The following TRAM2 variants were observed in gnomAD, a reference collection of about 807,000 sequenced individuals.
TRAM2 encodes translocation associated membrane protein 2.
Under a neutral mutation model 51.0 loss-of-function variants are expected in TRAM2, and 12 were observed. The ratio of observed to expected loss-of-function variants is 0.24; its 90% CI spans 0.15 to 0.38. The LOEUF is 0.38. TRAM2 is among the 10% of genes least tolerant of loss of function. The pLI, the probability that TRAM2 is intolerant of heterozygous loss-of-function variation, is 1.00. For synonymous variants in TRAM2, 175 were observed against 179.4 expected (o/e 0.98, Z 0.20); for missense variants, 361 against 462.0 (o/e 0.78, Z 2.00).
chr6:52,558,142 C>T (rs555566202), intron 1 of TRAM2, among the ~76,000 whole-genome samples: 96 of 152,276 alleles, frequency 6.3e-4, no homozygotes, highest in African/African-American at 2.2e-3. Flanking sequence ...GCACAGCTCT[C>T]GCACAAGCAA....
intron 1 of TRAM2, among the ~76,000 whole-genome samples, chr6:52,570,461 T>C (rs1020822017): frequency 5.3e-5 from 8 of 152,104 alleles, no homozygotes; most frequent in Non-Finnish European, 1.2e-4. Context: ...GTGGAAGCAT[T>C]GGGGCTGAGC....
At chr6:52,516,221 G>C (rs954701331) in intron 3 of TRAM2, 99 bp from the exon 4 acceptor site, 12 of 1,132,124 alleles carry the variant, frequency 1.1e-5, no homozygotes, top group African/African-American at 3.1e-5. Flanking sequence ...GTTGAACATC[G>C]TTAGAAGTTT....
chr6:52,564,868 G>T (rs1344057437), intron 1 of TRAM2, among the ~76,000 whole-genome samples: 1 of 152,212 alleles, frequency 6.6e-6, no homozygotes, highest in Non-Finnish European at 1.5e-5. Flanking sequence ...GTTCTGAGCA[G>T]GTGGTGCTTT....
At chr6:52,506,209 T>A in intron 7 of TRAM2, 73 bp from the exon 8 acceptor site, 1 of 1,387,652 alleles carries the variant, frequency 7.2e-7, no homozygotes, top group Non-Finnish European at 1.0e-6. Context: ...GCATCTTGGC[T>A]CAGGCTGTCC....
In TRAM2 at chr6:52,535,809, T is replaced by C; in HGVS notation, c.158A>G (p.Gln53Arg). The change falls in exon 2 of 11, where the codon CAG becomes CGG. Residue 53 changes from glutamine (Q) to arginine (R), a missense_variant. Transcript: ENST00000182527. ...AKTAFLFILP[Q>R]YNISVPTADS... is the part of the protein sequence containing the mutation. ...TGCTGTAGGCACGCTAATGTTATAC[T>C]GAGGTAAAATAAATAGAAAGGCAGT... The C allele has an allele frequency of 6.2e-7, 1 of 1,614,048 alleles. No individual in the cohort carries two copies. The highest frequency in any genetic ancestry group is 8.5e-7 in the Non-Finnish European group (1 of 1,179,920).
intron 2 of TRAM2, among the ~76,000 whole-genome samples, chr6:52,527,853 T>C (rs1004845265): frequency 6.6e-6 from 1 of 152,184 alleles, no homozygotes; most frequent in African/African-American, 2.4e-5. Flanking sequence ...TTCTGCACAA[T>C]TGTTACACTT....
intron 1 of TRAM2, among the ~76,000 whole-genome samples, chr6:52,571,464 TGAGG>T (rs1767680490): frequency 6.6e-6 from 1 of 152,038 alleles, no homozygotes; most frequent in Non-Finnish European, 1.5e-5. Flanking sequence ...AACGAGTGAC[TGAGG>T]GTTCAGACAA....
chr6:52,537,249 T>G (rs1322476552), intron 1 of TRAM2, among the ~76,000 whole-genome samples: 4 of 152,176 alleles, frequency 2.6e-5, no homozygotes, highest in Non-Finnish European at 5.9e-5. Context: ...AGAGGAGTGA[T>G]AGAAAACACC....
chr6:52,507,987 A>G (rs1209826042), intron 6 of TRAM2, among the ~76,000 whole-genome samples: 1 of 152,238 alleles, frequency 6.6e-6, no homozygotes, highest in Admixed American at 6.5e-5. Flanking sequence ...CATCTATAAG[A>G]TGAGAGTTAG....
At position 52,498,109 on chromosome 6, in the gene TRAM2, A is replaced by G. The variant is rs1220496735; in HGVS notation, c.*5088T>C. 6.6e-6 allele frequency: 1 copy of G among 152,540 alleles called. No homozygotes were observed. The highest frequency in any genetic ancestry group is 2.4e-5 in the African/African-American group (1 of 41,446). The allele number at this position is 152,540 out of a possible 1,614,324, so 9.4% of individuals were successfully genotyped here. A position where few individuals can be genotyped will look rare whatever the true frequency, so the allele number is the denominator to read the frequency against. On this transcript the variant is annotated 3_prime_UTR_variant, in exon 11 of 11. Transcript: ENST00000182527. ...AGAGTGCCACAGAAACCCACCCAGG[A>G]TCACAAGAATGACAACAAAAGGAAA... is the stretch of plus-strand genomic sequence containing the variant.
chr6:52,533,692 C>T lies in TRAM2; in HGVS notation c.184+2091G>A, dbSNP rs566010399. ...GATTCATGGCTATATCCTCCATGAGCCACAGGTTCAGGAATTTGCCCCCAA... is the reference window on the plus strand; with the variant it reads ...GATTCATGGCTATATCCTCCATGAGTCACAGGTTCAGGAATTTGCCCCCAA... On this transcript the variant is annotated intron_variant, in intron 2 of 10. Transcript: ENST00000182527. Among the ~76,000 whole-genome samples the T allele has an allele frequency of 9.8e-5, 15 of 152,292 alleles. No homozygotes were observed. In the South Asian group the frequency reaches 2.9e-3, roughly 29 times the overall value.
Position 52,499,469 on chromosome 6 carries a change from A to G in TRAM2, c.*3728T>C, listed in dbSNP as rs1461592841. On this transcript the variant is annotated 3_prime_UTR_variant, in exon 11 of 11. Coordinates refer to ENST00000182527, the MANE Select transcript of TRAM2 (RefSeq NM_012288.4). ...GGCTGAAGCATACAAAGGAAACCCA[A>G]GCGAAGGCCTTTTCTAGGCACAAGG... The G allele has an allele frequency of 6.6e-6, 1 of 152,214 alleles. No homozygotes were observed. Among genetic ancestry groups the G allele is most frequent in the Admixed American group, 6.5e-5 (1 of 15,284 alleles). The allele number at this position is 152,214 out of a possible 1,614,324, so 9.4% of individuals were successfully genotyped here. A position where few individuals can be genotyped will look rare whatever the true frequency, so the allele number is the denominator to read the frequency against.
intron 2 of TRAM2, among the ~76,000 whole-genome samples, chr6:52,528,703 A>G (rs978748196): frequency 3.3e-5 from 5 of 152,148 alleles, no homozygotes; most frequent in African/African-American, 1.2e-4. Flanking sequence ...AATAAAGCCA[A>G]CTGGGATCCT....
At chr6:52,532,039 C>T (rs1766900930) in intron 2 of TRAM2, among the ~76,000 whole-genome samples, 1 of 152,328 alleles carries the variant, frequency 6.6e-6, no homozygotes, top group East Asian at 1.9e-4. Context: ...CTTACTCAAA[C>T]ATTGTAGGAA....
Position 52,544,136 on chromosome 6 carries a change from G to A in TRAM2, c.121-8290C>T, listed in dbSNP as rs181754537. On this transcript the variant is annotated intron_variant, in intron 1 of 10. Transcript: ENST00000182527. The stretch of plus-strand genomic sequence containing the variant: ...GATGGAGCAGGGTGAAGCCATCTCC[G>A]GGGGCCATAAACCAGGCCCGTCAGC... Among the ~76,000 whole-genome samples the A allele has an allele frequency of 3.6e-3, 544 of 152,246 alleles. 3 individuals are homozygous for A. The highest frequency in any genetic ancestry group is 0.014 in the Middle Eastern group (4 of 292).
chr6:52,509,402 T>C, intron 5 of TRAM2, 126 bp downstream of exon 5: 7 of 818,230 alleles, frequency 8.6e-6, no homozygotes, highest in South Asian at 3.5e-5. Flanking sequence ...CCATCCACAA[T>C]AGGCTCAGGG....
At position 52,503,095 on chromosome 6, in the gene TRAM2, CG is replaced by C. The variant is rs1766267173; in HGVS notation, c.*101del. The C allele has an allele frequency of 1.0e-6, 1 of 994,146 alleles. No homozygotes were observed. Among genetic ancestry groups the C allele is most frequent in the Non-Finnish European group, 1.6e-6 (1 of 624,932 alleles). 61.6% of individuals were successfully genotyped at this position (994,146 alleles called of 1,614,324 possible). On this transcript the variant is annotated 3_prime_UTR_variant, in exon 11 of 11. Transcript: ENST00000182527. ...CAAGACAGGTTTCGGCTGTTTGAGA[CG>C]GAGCATCACAGGCAGGAAGGAGGAG...
rs1469283860 is a variant in TRAM2, at chr6:52,502,205, C to G, written c.*992G>C. 1 of 152,304 alleles carries G rather than the reference C, an allele frequency of 6.6e-6. No individual in the cohort carries two copies. The highest frequency in any genetic ancestry group is 1.5e-5 in the Non-Finnish European group (1 of 68,108). The allele number at this position is 152,304 out of a possible 1,614,324, so 9.4% of individuals were successfully genotyped here. A position where few individuals can be genotyped will look rare whatever the true frequency, so the allele number is the denominator to read the frequency against. ...GATGAAGTCAAGGTAGTAAGTTTGG[C>G]CCCTGACGGGGCTGGCTGGCTCTGG... On this transcript the variant is annotated 3_prime_UTR_variant, in exon 11 of 11. Transcript: ENST00000182527.
chr6:52,571,696 T>C (rs554646261), intron 1 of TRAM2, among the ~76,000 whole-genome samples: 1 of 152,320 alleles, frequency 6.6e-6, no homozygotes, highest in South Asian at 2.1e-4. Flanking sequence ...GGTAGAGAGA[T>C]TGGTCTGTTT....
Sources: allele counts gnomAD v4.1 joint callset (sites outside exome capture counted in the v4.1 genomes callset), GRCh38; gene constraint gnomAD v4.1.1; transcripts MANE v1.5; gene names NCBI Gene and HGNC (gene_info 2026-07-23, HGNC 2026-07-21).